APLP2: variants seen among roughly 807,000 people sequenced by gnomAD.
The protein encoded by APLP2 is amyloid beta precursor like protein 2.
In APLP2, 53 loss-of-function variants were observed where a neutral mutation model predicts 89.9. That is an observed-to-expected ratio of 0.59 (90% CI 0.47 to 0.74). The LOEUF (loss-of-function observed/expected upper bound fraction) is 0.74. Ranked by LOEUF, APLP2 falls within the 30% of genes least tolerant of loss-of-function variation. The probability of loss-of-function intolerance (pLI) is 0.00; values close to 1 mark genes in which losing one functional copy is unlikely to be tolerated. For missense variants in APLP2, 973 were observed against 975.9 expected (o/e 1.00, Z 0.04); for synonymous variants, 372 against 348.6 (o/e 1.07, Z -0.75).
intron 1 of APLP2, among the ~76,000 whole-genome samples, chr11:130,079,493 T>C (rs1346312815): frequency 9.2e-5 from 14 of 152,240 alleles, no homozygotes; most frequent in Non-Finnish European, 2.9e-5. Flanking sequence ...GTTAGATTTA[T>C]TCATAGTCAT....
chr11:130,069,979 TGGC>T lies in APLP2; in HGVS notation c.6_8del (p.Ala3?). 6.6e-7 allele frequency: 1 copy of T among 1,504,046 alleles called. No homozygotes were observed. The highest frequency in any genetic ancestry group is 8.8e-7 in the Non-Finnish European group (1 of 1,131,040). 93.2% of individuals were successfully genotyped at this position (1,504,046 alleles called of 1,614,324 possible). A position where few individuals can be genotyped will look rare whatever the true frequency, so the allele number is the denominator to read the frequency against. ...CGCGCTAGAGCGACCCGGCGAGGGA[TGGC>T]GGCCACCGGGACCGCGGCCGCCGCA... is the stretch of plus-strand genomic sequence containing the variant. On this transcript the variant is annotated start_lost and inframe_deletion, in exon 1 of 17. Coordinates refer to ENST00000338167, the MANE Select transcript of APLP2 (RefSeq NM_001142276.2).
At chr11:130,138,703 A>T (rs1229440915) in intron 13 of APLP2, 1 of 146,598 alleles carries the variant, frequency 6.8e-6, no homozygotes, top group Non-Finnish European at 1.5e-5. Context: ...CTCCTACCTC[A>T]GCCTCCCAAG....
intron 1 of APLP2, among the ~76,000 whole-genome samples, chr11:130,085,293 T>C (rs1943928995): frequency 6.6e-6 from 1 of 152,020 alleles, no homozygotes; most frequent in Non-Finnish European, 1.5e-5. Flanking sequence ...CTACTAAAAA[T>C]ACAAAAAAAT....
rs73041265 is a variant in APLP2 at position 130,112,130 on chromosome 11, C to T, written c.403+1469C>T. On this transcript the variant is annotated intron_variant, in intron 3 of 16. Coordinates refer to ENST00000338167, the MANE Select transcript of APLP2 (RefSeq NM_001142276.2). ...TAGTCATGATTTTCAAACTGTGCGC[C>T]GAGGCACCTCGGGGCATTGAAGCAA... Among the ~76,000 whole-genome samples, 476 of 152,226 alleles carry T rather than the reference C, an allele frequency of 3.1e-3. 2 individuals are homozygous for T. Among genetic ancestry groups the T allele is most frequent in the Admixed American group, 6.7e-3 (102 of 15,292 alleles).
At chr11:130,112,165 G>A (rs1457973872) in intron 3 of APLP2, among the ~76,000 whole-genome samples, 1 of 152,166 alleles carries the variant, frequency 6.6e-6, no homozygotes, top group Admixed American at 6.5e-5. Context: ...AAACTCACAG[G>A]GCATTCCGGG....
intron 1 of APLP2, among the ~76,000 whole-genome samples, chr11:130,079,179 A>G (rs1003665649): frequency 2.6e-5 from 4 of 151,848 alleles, no homozygotes; most frequent in Non-Finnish European, 5.9e-5. Context: ...GCTCACTGCA[A>G]CCTTTGTCTC....
chr11:130,112,063 A>G (rs11221966), intron 3 of APLP2, among the ~76,000 whole-genome samples: 15,353 of 152,116 alleles, frequency 0.1, 1,181 homozygotes, highest in African/African-American at 0.21. Flanking sequence ...GTATGCGGTC[A>G]GTTTCTGAGC....
At chr11:130,140,020 G>A (rs1221688484) in intron 13 of APLP2, among the ~76,000 whole-genome samples, 2 of 152,284 alleles carry the variant, frequency 1.3e-5, no homozygotes, top group South Asian at 2.1e-4. Flanking sequence ...TGTGGCAGCC[G>A]GGTGTGGGTA....
chr11:130,083,919 G>A (rs907953497), intron 1 of APLP2, among the ~76,000 whole-genome samples: 3 of 151,948 alleles, frequency 2.0e-5, no homozygotes, highest in African/African-American at 7.3e-5. Flanking sequence ...TTCTATAGTG[G>A]CTGCACCATT....
intron 10 of APLP2, among the ~76,000 whole-genome samples, 164 bp from the exon 11 acceptor site, chr11:130,129,874 G>GT (rs1280043039): frequency 1.3e-5 from 2 of 152,180 alleles, no homozygotes; most frequent in African/African-American, 2.4e-5. Context: ...TACCTAGACA[G>GT]TTTTTTTGTT....
At chr11:130,114,667 T>C (rs2135859490) in intron 3 of APLP2, among the ~76,000 whole-genome samples, 1 of 152,308 alleles carries the variant, frequency 6.6e-6, no homozygotes, top group East Asian at 1.9e-4. Flanking sequence ...GGAGTCTGTT[T>C]TCTCTGAGAC....
At chr11:130,100,742 C>T (rs1191269089) in intron 1 of APLP2, among the ~76,000 whole-genome samples, 1 of 152,166 alleles carries the variant, frequency 6.6e-6, no homozygotes, top group East Asian at 1.9e-4. Flanking sequence ...TAATACCTAA[C>T]AGCCGGCATA....
chr11:130,123,874 C>G lies in APLP2; in HGVS notation c.1090+95C>G. On this transcript the variant is annotated intron_variant, in intron 7 of 16. Transcript: ENST00000338167. This position sits in a 1 kb window ranked among gnomAD's most constrained non-coding sequence, Gnocchi z 4.0. Reference sequence around the variant, plus strand: ...TCGTGGCTGCATCTGTGTGGTGTCCCTGCCCACTCGGGTGTTTGCTGTCGG... The same window carrying G: ...TCGTGGCTGCATCTGTGTGGTGTCCGTGCCCACTCGGGTGTTTGCTGTCGG... The G allele has an allele frequency of 7.2e-7, 1 of 1,392,034 alleles. No homozygotes were observed. The highest frequency in any genetic ancestry group is 9.9e-7 in the Non-Finnish European group (1 of 1,005,850). 86.2% of individuals were successfully genotyped at this position (1,392,034 alleles called of 1,614,324 possible). A position where few individuals can be genotyped will look rare whatever the true frequency, so the allele number is the denominator to read the frequency against.
At chr11:130,104,206 CTTTTTTTTTTTTTTTTTT>C (rs59598831) in intron 1 of APLP2, among the ~76,000 whole-genome samples, 1 of 76,988 alleles carries the variant, frequency 1.3e-5, no homozygotes, top group Admixed American at 1.5e-4. Flanking sequence ...TGGTACACAT[CTTTTTTTTTTTTTTTTTT>C]TTTTTTTTTG....
intron 1 of APLP2, among the ~76,000 whole-genome samples, chr11:130,105,402 A>G (rs2135737192): frequency 6.6e-6 from 1 of 152,258 alleles, no homozygotes; most frequent in African/African-American, 2.4e-5. Context: ...GTGACAGAGC[A>G]AGACCCTGTC....
intron 1 of APLP2, among the ~76,000 whole-genome samples, chr11:130,098,485 A>T (rs1353572643): frequency 6.6e-6 from 1 of 152,116 alleles, no homozygotes; most frequent in Non-Finnish European, 1.5e-5. Context: ...AAAGAGATCT[A>T]GTGAAGTCAA....
intron 1 of APLP2, among the ~76,000 whole-genome samples, chr11:130,099,252 G>A (rs1162597734): frequency 6.6e-6 from 1 of 152,138 alleles, no homozygotes; most frequent in African/African-American, 2.4e-5. Flanking sequence ...TCTAAGCCAT[G>A]TTTCTCCTGC....
At chr11:130,070,467 G>C in intron 1 of APLP2, 1 of 1,052,860 alleles carries the variant, frequency 9.5e-7, no homozygotes, top group Non-Finnish European at 1.2e-6. Context: ...TCCGCGGCTG[G>C]GCTTTCTCCA....
chr11:130,139,435 T>A (rs950516006), intron 13 of APLP2: 5 of 152,236 alleles, frequency 3.3e-5, no homozygotes, highest in Non-Finnish European at 5.9e-5. Flanking sequence ...TTGATCCAGT[T>A]ATAAAAGGCT....
Sources: gnomAD v4.1 joint callset for allele counts (sites outside exome capture counted in the v4.1 genomes callset) on GRCh38, gnomAD v4.1.1 for gene constraint, Gnocchi (gnomAD v3.1) non-coding constraint, MANE v1.5 for transcripts, NCBI Gene and HGNC (gene_info 2026-07-23, HGNC 2026-07-21) for gene names.